Variants in BBOX1 observed in about 807,000 individuals in gnomAD.
The protein encoded by BBOX1 is gamma-butyrobetaine hydroxylase 1.
A neutral mutation model predicts 41.6 loss-of-function variants in BBOX1; 35 were observed. The observed-to-expected ratio is 0.84, with a 90% CI of 0.64 to 1.11. The LOEUF (loss-of-function observed/expected upper bound fraction) is 1.11, where lower values mean the gene tolerates loss of function less well. BBOX1 is among the 50% of genes most tolerant of loss of function. BBOX1 has a pLI of 0.00. For synonymous variants in BBOX1, 163 were observed against 154.7 expected, an observed-to-expected ratio of 1.05 and a Z score of -0.40; for missense variants, 458 against 460.6, an observed-to-expected ratio of 0.99 and a Z score of 0.05.
chr11:27,107,587 C>T (rs1435192014), intron 5 of BBOX1, among the ~76,000 whole-genome samples: 1 of 151,880 alleles, frequency 6.6e-6, no homozygotes, highest in Non-Finnish European at 1.5e-5. Context: ...CAGTAATCTG[C>T]TTGAGTTGTT....
At chr11:27,094,184 C>T (rs1250377075) in intron 5 of BBOX1, among the ~76,000 whole-genome samples, 1 of 151,924 alleles carries the variant, frequency 6.6e-6, no homozygotes, top group Non-Finnish European at 1.5e-5. Context: ...AGGCTGTTTG[C>T]ATAAGAATTT....
chr11:27,081,665 C>G (rs904315114), intron 4 of BBOX1, among the ~76,000 whole-genome samples: 15 of 152,146 alleles, frequency 9.9e-5, no homozygotes, highest in African/African-American at 3.6e-4. Flanking sequence ...AATTTACACT[C>G]CCACCAACAA....
Position 27,127,499 on chromosome 11 carries a change from G to C in BBOX1, c.*46G>C. 6.4e-7 allele frequency: 1 copy of C among 1,560,936 alleles called. No individual in the cohort carries two copies. Among genetic ancestry groups the C allele is most frequent in the Non-Finnish European group, 8.7e-7 (1 of 1,154,002 alleles). ...AATAAGATTCCAATGACCATATTTT[G>C]TGAGATATGGCACATTATTCACAGA... On this transcript the variant is annotated 3_prime_UTR_variant, in exon 9 of 9. Coordinates refer to ENST00000263182, the MANE Select transcript of BBOX1 (RefSeq NM_003986.3).
At chr11:27,107,509 T>C (rs1564983989) in intron 5 of BBOX1, among the ~76,000 whole-genome samples, 2 of 152,204 alleles carry the variant, frequency 1.3e-5, no homozygotes, top group African/African-American at 2.4e-5. Flanking sequence ...TAAGATATTA[T>C]GTTGAGCTTG....
At chr11:27,111,489 A>G (rs931504449) in intron 5 of BBOX1, among the ~76,000 whole-genome samples, 2 of 151,980 alleles carry the variant, frequency 1.3e-5, no homozygotes, top group African/African-American at 4.8e-5. Context: ...ACCCCCAAAA[A>G]TTAAAAGCTG....
chr11:27,073,878 A>G (rs1403523266), intron 4 of BBOX1, among the ~76,000 whole-genome samples: 2 of 152,006 alleles, frequency 1.3e-5, no homozygotes, highest in Non-Finnish European at 2.9e-5. Flanking sequence ...ACACTTGGAC[A>G]CAGGAAGGGA....
At chr11:27,082,827 T>C (rs548996691) in intron 4 of BBOX1, among the ~76,000 whole-genome samples, 1 of 152,204 alleles carries the variant, frequency 6.6e-6, no homozygotes, top group Non-Finnish European at 1.5e-5. Context: ...ATTTTACGTG[T>C]AATTCTTGTT....
intron 4 of BBOX1, among the ~76,000 whole-genome samples, chr11:27,073,181 T>A (rs933106016): frequency 6.6e-6 from 1 of 152,166 alleles, no homozygotes; most frequent in Admixed American, 6.5e-5. Flanking sequence ...AAAGGGCTAA[T>A]ATCCAGAATC....
At chr11:27,055,046 C>T (rs182424969) in intron 2 of BBOX1, among the ~76,000 whole-genome samples, 1 of 152,134 alleles carries the variant, frequency 6.6e-6, no homozygotes, top group African/African-American at 2.4e-5. Flanking sequence ...GAACATTTTT[C>T]TTCCTTAAAC....
At chr11:27,123,200 G>C (rs1470339256) in intron 7 of BBOX1, among the ~76,000 whole-genome samples, 1 of 151,610 alleles carries the variant, frequency 6.6e-6, no homozygotes, top group Non-Finnish European at 1.5e-5. Flanking sequence ...AAGAAAGCAG[G>C]GACTGTGTTA....
chr11:27,091,931 C>A (rs1340800050), intron 4 of BBOX1, among the ~76,000 whole-genome samples: 1 of 151,970 alleles, frequency 6.6e-6, no homozygotes, highest in Admixed American at 6.6e-5. Context: ...GAAACTTTGA[C>A]AATATATGCA....
intron 4 of BBOX1, among the ~76,000 whole-genome samples, chr11:27,088,472 T>C (rs925672511): frequency 6.6e-6 from 1 of 152,086 alleles, no homozygotes; most frequent in African/African-American, 2.4e-5. Context: ...TGTTGTGCAA[T>C]GAAACCTGCT....
intron 4 of BBOX1, among the ~76,000 whole-genome samples, chr11:27,088,207 A>T (rs573835734): frequency 3.3e-5 from 5 of 152,188 alleles, no homozygotes; most frequent in African/African-American, 1.2e-4. Context: ...TGAATGAACA[A>T]TGTAGTCAAA....
rs1859704541 is a variant in BBOX1, at chr11:27,127,353, G to C, written c.1064G>C (p.Gly355Ala). 2 of 1,614,160 alleles carry C rather than the reference G, an allele frequency of 1.2e-6. No individual in the cohort carries two copies. The highest frequency in any genetic ancestry group is 2.2e-5 in the East Asian group (1 of 44,878). Residue 355 changes from glycine (G) to alanine (A), a missense_variant, in exon 9 of 9, where the codon GGA becomes GCA. Gly to Ala is a moderately conservative substitution (Grantham distance 60). Transcript: ENST00000263182. ...CATGGCCGACGTAGCTATGAAGCAG[G>C]AACTGAGATATCCCGCCATCTAGAA... The part of the protein sequence containing the change: ...LLHGRRSYEA[G>A]TEISRHLEGA...
At chr11:27,062,713 G>T (rs1857167082) in intron 4 of BBOX1, among the ~76,000 whole-genome samples, 1 of 151,914 alleles carries the variant, frequency 6.6e-6, no homozygotes, top group African/African-American at 2.4e-5. Flanking sequence ...AGGACTACCG[G>T]CATCACACCC....
chr11:27,127,468 A>G lies in BBOX1; in HGVS notation c.*15A>G, dbSNP rs368923981. On this transcript the variant is annotated 3_prime_UTR_variant, in exon 9 of 9. Transcript: ENST00000263182. Reference sequence around the variant, plus strand: ...ATGGAAACTGAAGTCACCTGTAGATAATTTTAATAAGATTCCAATGACCAT... The same window carrying G: ...ATGGAAACTGAAGTCACCTGTAGATGATTTTAATAAGATTCCAATGACCAT... The G allele has an allele frequency of 1.3e-4, 202 of 1,587,312 alleles. No homozygotes were observed. In the African/African-American group the frequency reaches 2.4e-3, roughly 19 times the overall value.
intron 6 of BBOX1, among the ~76,000 whole-genome samples, chr11:27,116,589 C>T (rs1214317085): frequency 1.3e-5 from 2 of 151,908 alleles, no homozygotes; most frequent in African/African-American, 4.8e-5. Context: ...TGTCTTCAGT[C>T]ATATACCTGC....
chr11:27,054,004 C>T (rs1031176), intron 2 of BBOX1, among the ~76,000 whole-genome samples: 133,387 of 152,224 alleles, frequency 0.88, 58,733 homozygotes, highest in Middle Eastern at 0.96. Flanking sequence ...AGCCAATGAT[C>T]TGAGGAAGCA....
intron 4 of BBOX1, among the ~76,000 whole-genome samples, chr11:27,074,305 G>A (rs111353240): frequency 6.6e-6 from 1 of 151,916 alleles, no homozygotes; most frequent in East Asian, 1.9e-4. Context: ...ATTGGTACTG[G>A]GGGTGGGGCA....
Sources: gnomAD v4.1 joint callset for allele counts (sites outside exome capture counted in the v4.1 genomes callset) on GRCh38, gnomAD v4.1.1 for gene constraint, MANE v1.5 for transcripts, NCBI Gene and HGNC (gene_info 2026-07-23, HGNC 2026-07-21) for gene names.